Variants in BACH2 observed in about 807,000 individuals in gnomAD.
BACH2 encodes transcription regulator protein BACH2.
Under a neutral mutation model 61.8 loss-of-function variants are expected in BACH2, and 5 were observed. That is an observed-to-expected ratio of 0.08 (90% CI 0.04 to 0.17). The LOEUF is 0.17. Ranked by LOEUF, BACH2 falls within the 10% of genes least tolerant of loss-of-function variation. The pLI, the probability that BACH2 is intolerant of heterozygous loss-of-function variation, is 1.00. For missense variants in BACH2, 824 were observed against 1,091.1 expected, an observed-to-expected ratio of 0.76 and a Z score of 3.45; for synonymous variants, 446 against 440.1, an observed-to-expected ratio of 1.01 and a Z score of -0.17.
At chr6:89,996,092 TTCC>T (rs2127776713) in intron 6 of BACH2, among the ~76,000 whole-genome samples, 1 of 152,342 alleles carries the variant, frequency 6.6e-6, no homozygotes, top group African/African-American at 2.4e-5. Context: ...TATGCTGGTG[TTCC>T]TCCTATCTGT....
At chr6:89,947,042 G>A (rs550300918) in intron 7 of BACH2, among the ~76,000 whole-genome samples, 1 of 152,160 alleles carries the variant, frequency 6.6e-6, no homozygotes, top group Admixed American at 6.5e-5. Flanking sequence ...GGCTCCCTAC[G>A]GGGTGGAGGA....
At chr6:89,999,973 T>C (rs1490212746) in intron 6 of BACH2, among the ~76,000 whole-genome samples, 1 of 152,252 alleles carries the variant, frequency 6.6e-6, no homozygotes, top group Admixed American at 6.5e-5. Flanking sequence ...CTTAGGTTTT[T>C]GTCTACTCAA....
At chr6:90,255,099 T>A (rs1770934641) in intron 2 of BACH2, among the ~76,000 whole-genome samples, 1 of 152,238 alleles carries the variant, frequency 6.6e-6, no homozygotes, top group Admixed American at 6.5e-5. Context: ...CATATCTCTA[T>A]GATCATTAGA....
chr6:90,265,252 TC>T (rs1451030722), intron 2 of BACH2, among the ~76,000 whole-genome samples: 1 of 152,162 alleles, frequency 6.6e-6, no homozygotes, highest in Non-Finnish European at 1.5e-5. Context: ...CAGTTGCTTC[TC>T]CCTTTTTTAT....
chr6:90,078,428 AC>A (rs1271559940), intron 5 of BACH2, among the ~76,000 whole-genome samples: 1 of 152,192 alleles, frequency 6.6e-6, no homozygotes, highest in African/African-American at 2.4e-5. Context: ...AATAAAAAAA[AC>A]AACAATCCCC....
intron 4 of BACH2, among the ~76,000 whole-genome samples, chr6:90,167,223 A>G (rs1767657199): frequency 6.6e-6 from 1 of 152,220 alleles, no homozygotes; most frequent in Admixed American, 6.5e-5. Flanking sequence ...GTGGTAGAGC[A>G]TGGCTTTGCA....
At chr6:89,938,453 A>T (rs1773161252) in intron 7 of BACH2, 103 bp from the exon 8 acceptor site, 2 of 914,800 alleles carry the variant, frequency 2.2e-6, no homozygotes, top group South Asian at 3.3e-5. Context: ...TGACCAAGTA[A>T]TATGGAAACT....
intron 6 of BACH2, among the ~76,000 whole-genome samples, chr6:90,000,265 A>G (rs926700420): frequency 6.6e-6 from 1 of 152,206 alleles, no homozygotes. Flanking sequence ...CAGGGCTAGC[A>G]GTCACCTCTG....
intron 1 of BACH2, among the ~76,000 whole-genome samples, chr6:90,295,475 G>A (rs2127896228): frequency 6.6e-6 from 1 of 152,166 alleles, no homozygotes; most frequent in South Asian, 2.1e-4. Context: ...GGCACCTAGG[G>A]TAGCCCGTGA....
intron 4 of BACH2, among the ~76,000 whole-genome samples, chr6:90,119,584 A>T (rs1282930325): frequency 1.3e-5 from 2 of 152,198 alleles, no homozygotes; most frequent in Non-Finnish European, 2.9e-5. Context: ...ACTTATAAAA[A>T]TATATACTGT....
chr6:89,947,742 T>G (rs1773827189), intron 7 of BACH2, among the ~76,000 whole-genome samples: 1 of 151,912 alleles, frequency 6.6e-6, no homozygotes, highest in African/African-American at 2.4e-5. Flanking sequence ...ATTTTTTTTT[T>G]TGTATTTTTT....
intron 4 of BACH2, among the ~76,000 whole-genome samples, chr6:90,094,239 T>C (rs2127809241): frequency 6.6e-6 from 1 of 152,318 alleles, no homozygotes; most frequent in Middle Eastern, 3.4e-3. Flanking sequence ...TCAGGTTTTC[T>C]AGAAGGTACT....
At chr6:89,996,274 C>T (rs976914736) in intron 6 of BACH2, among the ~76,000 whole-genome samples, 1 of 152,088 alleles carries the variant, frequency 6.6e-6, no homozygotes, top group Non-Finnish European at 1.5e-5. Flanking sequence ...CAGGTGTAGA[C>T]CTTCCTCACC....
intron 4 of BACH2, among the ~76,000 whole-genome samples, chr6:90,151,782 C>A (rs1434275532): frequency 6.6e-6 from 1 of 152,204 alleles, no homozygotes; most frequent in African/African-American, 2.4e-5. Flanking sequence ...TATGGCTTTT[C>A]AGTTTTAAAC....
chr6:89,974,262 C>T (rs1269323556), intron 6 of BACH2, among the ~76,000 whole-genome samples: 1 of 152,140 alleles, frequency 6.6e-6, no homozygotes, highest in Non-Finnish European at 1.5e-5. Flanking sequence ...GTTAATTAAC[C>T]TCTCCTGCTC....
intron 4 of BACH2, among the ~76,000 whole-genome samples, chr6:90,200,315 C>G (rs1421479149): frequency 6.6e-6 from 1 of 152,114 alleles, no homozygotes; most frequent in African/African-American, 2.4e-5. Flanking sequence ...TTGTACACAT[C>G]GGCAGTGTCT....
In BACH2 at chr6:90,289,130, G is replaced by C. The variant is rs533892617; in HGVS notation, c.-446+7350C>G. ...GAAATTATTTTTTAACTTTAAGATAGATGTCAACAAAACATCCAATATTTT... is the reference window on the plus strand; with the variant it reads ...GAAATTATTTTTTAACTTTAAGATACATGTCAACAAAACATCCAATATTTT... On this transcript the variant is annotated intron_variant, in intron 1 of 8. Coordinates refer to ENST00000257749, the MANE Select transcript of BACH2 (RefSeq NM_021813.4). 3.9e-5 allele frequency among the ~76,000 whole-genome samples: 6 copies of C among 152,296 alleles called. 1 individual carries two copies. In the South Asian group the frequency reaches 1.2e-3, roughly 32 times the overall value.
At chr6:90,078,084 T>C (rs933243212) in intron 5 of BACH2, among the ~76,000 whole-genome samples, 2 of 152,212 alleles carry the variant, frequency 1.3e-5, no homozygotes, top group African/African-American at 4.8e-5. Flanking sequence ...TTTCTACCTG[T>C]CAGCATCTGG....
intron 4 of BACH2, among the ~76,000 whole-genome samples, chr6:90,145,798 C>A (rs1784596302): frequency 6.6e-6 from 1 of 152,170 alleles, no homozygotes; most frequent in South Asian, 2.1e-4. Flanking sequence ...TCCGAAAGTA[C>A]ATGATTGGAT....
Sources: allele counts gnomAD v4.1 joint callset (sites outside exome capture counted in the v4.1 genomes callset), GRCh38; gene constraint gnomAD v4.1.1; transcripts MANE v1.5; gene names NCBI Gene and HGNC (gene_info 2026-07-23, HGNC 2026-07-21).